The following RHOU variants were observed in gnomAD, a reference collection of about 807,000 sequenced individuals.
RHOU encodes ras homolog family member U, also known as rho-related GTP-binding protein RhoU.
RHOU carries 8 observed loss-of-function variants against 12.6 expected under a neutral mutation model. The observed-to-expected ratio is 0.64, with a 90% CI of 0.37 to 1.15. RHOU has a LOEUF of 1.15. Ranked by LOEUF, RHOU falls within the 50% of genes most tolerant of loss-of-function variation. The pLI, the probability that RHOU is intolerant of heterozygous loss-of-function variation, is 0.01. For synonymous variants in RHOU, 161 were observed against 147.4 expected (o/e 1.09, Z -0.67); for missense variants, 258 against 347.0 (o/e 0.74, Z 2.04).
the RHOU span, among the ~76,000 whole-genome samples, chr1:228,653,498 T>C: frequency 6.6e-6 from 1 of 152,186 alleles, no homozygotes; most frequent in Non-Finnish European, 1.5e-5. Context: ...TTTGTATTTT[T>C]AGTAGAGATG....
chr1:228,681,716 C>T, the RHOU span, among the ~76,000 whole-genome samples: 1 of 151,986 alleles, frequency 6.6e-6, no homozygotes, highest in Admixed American at 6.6e-5. Flanking sequence ...AAATAAGATG[C>T]TTAGATTTTA....
the RHOU span, among the ~76,000 whole-genome samples, chr1:228,713,621 C>A: frequency 3.9e-5 from 6 of 152,246 alleles, no homozygotes; most frequent in Non-Finnish European, 8.8e-5. Context: ...GTGTGAGCCA[C>A]CACGCCCAGC....
Position 228,743,405 on chromosome 1 carries a change from C to T in RHOU, c.442C>T (p.Arg148Ter), listed in dbSNP as rs745690593. Residue 148 changes from arginine (R) to a stop codon, truncating the protein, a stop_gained, in exon 3 of 3, where the codon CGA becomes TGA. Transcript: ENST00000366691. LOFTEE classifies it high-confidence loss of function. This position sits in a 1 kb window ranked among gnomAD's most constrained non-coding sequence, Gnocchi z 5.1. ...CAGTGAGAAATGGGTGCCGGAGATT[C>T]GATGCCACTGTCCCAAAGCCCCCAT... ...NVSEKWVPEI[R>*]CHCPKAPIIL... The T allele has an allele frequency of 2.5e-6, 4 of 1,614,130 alleles. No individual in the cohort carries two copies. Among genetic ancestry groups the T allele is most frequent in the Non-Finnish European group, 3.4e-6 (4 of 1,180,034 alleles).
chr1:228,707,004 C>T, the RHOU span, among the ~76,000 whole-genome samples: 53 of 149,540 alleles, frequency 3.5e-4, no homozygotes, highest in African/African-American at 1.3e-3. Flanking sequence ...TAATGGGCAT[C>T]CTTGCCTCGT....
chr1:228,649,686 C>CT, the RHOU span, among the ~76,000 whole-genome samples: 2 of 152,098 alleles, frequency 1.3e-5, no homozygotes, highest in Non-Finnish European at 2.9e-5. Context: ...ATTGTCTTTT[C>CT]TTTTTTTATC....
At chr1:228,723,313 C>G in the RHOU span, among the ~76,000 whole-genome samples, 1 of 152,174 alleles carries the variant, frequency 6.6e-6, no homozygotes, top group African/African-American at 2.4e-5. Flanking sequence ...GGAGAGGAGA[C>G]CCCAAGTGGG....
At chr1:228,706,830 G>A in the RHOU span, among the ~76,000 whole-genome samples, 2 of 151,790 alleles carry the variant, frequency 1.3e-5, no homozygotes, top group Non-Finnish European at 2.9e-5. Flanking sequence ...TATTGTTTGA[G>A]TTAGTTATAT....
At chr1:228,686,579 G>A in the RHOU span, among the ~76,000 whole-genome samples, 3 of 152,200 alleles carry the variant, frequency 2.0e-5, no homozygotes, top group Non-Finnish European at 4.4e-5. Flanking sequence ...TGCAAGCCAT[G>A]GTGAGCACTT....
chr1:228,647,133 G>T, the RHOU span, among the ~76,000 whole-genome samples: 4 of 152,254 alleles, frequency 2.6e-5, no homozygotes, highest in East Asian at 7.8e-4. Flanking sequence ...GAATAGGGTG[G>T]AGGGGTTTGA....
chr1:228,685,670 T>C, the RHOU span, among the ~76,000 whole-genome samples: 3 of 152,248 alleles, frequency 2.0e-5, no homozygotes, highest in Admixed American at 6.5e-5. Context: ...ATGAAATGAC[T>C]GTATGTGAAT....
the RHOU span, among the ~76,000 whole-genome samples, chr1:228,701,287 A>C: frequency 1.3e-5 from 2 of 152,208 alleles, no homozygotes; most frequent in African/African-American, 2.4e-5. Flanking sequence ...ACTGTAAAAT[A>C]ATAGCCATTT....
Position 228,735,556 on chromosome 1 carries a change from C to T in RHOU, c.-187C>T. 1 of 343,858 alleles carries T rather than the reference C, an allele frequency of 2.9e-6. No individual in the cohort carries two copies. Among genetic ancestry groups the T allele is most frequent in the Non-Finnish European group, 5.0e-6 (1 of 201,684 alleles). 21.3% of individuals were successfully genotyped at this position (343,858 alleles called of 1,614,324 possible). On this transcript the variant is annotated 5_prime_UTR_variant, in exon 1 of 3. Transcript: ENST00000366691. The surrounding 1 kb of genome is among the most constrained non-coding windows in gnomAD (Gnocchi z 8.1). ...CAGAGCGGCTGGCGCCGCCGGAGCGCGGAGCCACGACCCTCCCTGGCCGCC... is the reference window on the plus strand; with the variant it reads ...CAGAGCGGCTGGCGCCGCCGGAGCGTGGAGCCACGACCCTCCCTGGCCGCC...
At chr1:228,681,029 G>A in the RHOU span, among the ~76,000 whole-genome samples, 2 of 152,222 alleles carry the variant, frequency 1.3e-5, no homozygotes, top group African/African-American at 4.8e-5. Flanking sequence ...CATCTGGGGA[G>A]AGGGTAGAAG....
At chr1:228,678,938 G>C in the RHOU span, among the ~76,000 whole-genome samples, 1 of 152,116 alleles carries the variant, frequency 6.6e-6, no homozygotes, top group Non-Finnish European at 1.5e-5. Context: ...TGGACAGAAA[G>C]GCTACAGGGC....
the RHOU span, among the ~76,000 whole-genome samples, chr1:228,665,359 A>G: frequency 1.3e-5 from 2 of 152,236 alleles, no homozygotes; most frequent in African/African-American, 4.8e-5. Flanking sequence ...TCCCACTGTC[A>G]GGCTTGAGTC....
chr1:228,729,654 A>G, the RHOU span, among the ~76,000 whole-genome samples: 5 of 152,226 alleles, frequency 3.3e-5, no homozygotes, highest in Admixed American at 6.5e-5. Flanking sequence ...TGCATGACCA[A>G]AAAATTAACT....
the RHOU span, among the ~76,000 whole-genome samples, chr1:228,692,343 T>G: frequency 1.3e-5 from 2 of 152,216 alleles, no homozygotes; most frequent in African/African-American, 4.8e-5. Flanking sequence ...GCCCAAAGAC[T>G]TTATGAAATC....
At chr1:228,678,845 G>T in the RHOU span, among the ~76,000 whole-genome samples, 2 of 152,046 alleles carry the variant, frequency 1.3e-5, no homozygotes, top group Non-Finnish European at 2.9e-5. Flanking sequence ...TTGTGATTTT[G>T]AGGGTCTCTA....
At chr1:228,740,188 T>G (rs1662692183) in intron 2 of RHOU, among the ~76,000 whole-genome samples, 1 of 152,172 alleles carries the variant, frequency 6.6e-6, no homozygotes. Context: ...TTTAGTAGTA[T>G]TTTTGCACAA....
Sources: allele counts gnomAD v4.1 joint callset (sites outside exome capture counted in the v4.1 genomes callset), GRCh38; gene constraint gnomAD v4.1.1; non-coding constraint Gnocchi (gnomAD v3.1); transcripts MANE v1.5; gene names NCBI Gene and HGNC (gene_info 2026-07-23, HGNC 2026-07-21).